SRRM4: variants seen among roughly 807,000 people sequenced by gnomAD.
SRRM4 encodes the protein serine/arginine repetitive matrix 4, also known as serine/arginine repetitive matrix protein 4.
A neutral mutation model predicts 68.9 loss-of-function variants in SRRM4; 33 were observed. The ratio of observed to expected loss-of-function variants is 0.48; its 90% CI spans 0.36 to 0.64. SRRM4 has a LOEUF of 0.64. Among genes scored for constraint, SRRM4 ranks in the 30% least tolerant of loss-of-function variants. The pLI, the probability that SRRM4 is intolerant of heterozygous loss-of-function variation, is 0.00. For missense variants in SRRM4, 817 were observed against 827.1 expected (o/e 0.99, Z 0.15); for synonymous variants, 318 against 318.8 (o/e 1.00, Z 0.03).
chr12:119,006,337 ACTC>A (rs927169013), intron 1 of SRRM4, among the ~76,000 whole-genome samples: 2 of 120,768 alleles, frequency 1.7e-5, no homozygotes, highest in Non-Finnish European at 3.9e-5. Flanking sequence ...GGGAGCGACT[ACTC>A]CTTCTTTTCC....
At chr12:119,038,419 G>A (rs1030081733) in intron 1 of SRRM4, among the ~76,000 whole-genome samples, 2 of 152,052 alleles carry the variant, frequency 1.3e-5, no homozygotes, top group African/African-American at 4.8e-5. Context: ...CACCGTGTTA[G>A]CCAGGATGGT....
At chr12:119,084,105 G>A (rs1953965918) in intron 1 of SRRM4, among the ~76,000 whole-genome samples, 1 of 152,224 alleles carries the variant, frequency 6.6e-6, no homozygotes, top group Non-Finnish European at 1.5e-5. Context: ...GGCAAAGAGA[G>A]GGAAATTCAT....
At chr12:118,986,568 C>A (rs1304695190) in intron 1 of SRRM4, among the ~76,000 whole-genome samples, 4 of 152,176 alleles carry the variant, frequency 2.6e-5, no homozygotes, top group Non-Finnish European at 5.9e-5. Context: ...TTCTGAGACG[C>A]TGAGGCTTCT....
chr12:119,023,049 C>T (rs1213353427), intron 1 of SRRM4, among the ~76,000 whole-genome samples: 1 of 152,184 alleles, frequency 6.6e-6, no homozygotes, highest in East Asian at 1.9e-4. Context: ...TTACCTACAC[C>T]TGTCACGGTA....
At chr12:119,053,834 T>C (rs1240655880) in intron 1 of SRRM4, among the ~76,000 whole-genome samples, 2 of 152,046 alleles carry the variant, frequency 1.3e-5, no homozygotes, top group Non-Finnish European at 2.9e-5. Flanking sequence ...AATTATCACA[T>C]CATGGAGAAT....
chr12:119,059,741 C>T lies in SRRM4; in HGVS notation c.132-42495C>T, dbSNP rs371328024. ...GTTGCATCTTCTCCATATCTCATGTCGCTGCTACCCTGGCTCTTGACTACT... is the reference window on the plus strand; with the variant it reads ...GTTGCATCTTCTCCATATCTCATGTTGCTGCTACCCTGGCTCTTGACTACT... On this transcript the variant is annotated intron_variant, in intron 1 of 12. Coordinates refer to ENST00000267260, the MANE Select transcript of SRRM4 (RefSeq NM_194286.4). Among the ~76,000 whole-genome samples, 25 of 152,288 alleles carry T rather than the reference C, an allele frequency of 1.6e-4. No individual in the cohort carries two copies. The South Asian group carries it at 4.6e-3, about 28-fold the overall frequency.
chr12:119,134,185 T>A (rs868820487), intron 8 of SRRM4, among the ~76,000 whole-genome samples: 3 of 152,152 alleles, frequency 2.0e-5, no homozygotes, highest in Admixed American at 6.5e-5. Context: ...AGGGGCTTAT[T>A]TACATATATG....
chr12:119,040,774 TCTCA>T (rs1277466547), intron 1 of SRRM4, among the ~76,000 whole-genome samples: 1 of 151,858 alleles, frequency 6.6e-6, no homozygotes, highest in Non-Finnish European at 1.5e-5. Flanking sequence ...AGGGATGGAG[TCTCA>T]CTCACTCTGT....
rs78161207 is a variant in SRRM4, at chr12:119,026,109, A to T, written c.131+44096A>T. ...ATCTGGGCGGTAGATTCTCATGGCC[A>T]CCACATCTGGGTTTGGTTTTATTCT... is the stretch of plus-strand genomic sequence containing the variant. On this transcript the variant is annotated intron_variant, in intron 1 of 12. Transcript: ENST00000267260. Among the ~76,000 whole-genome samples the T allele has an allele frequency of 3.8e-3, 583 of 152,126 alleles. 20 individuals carry two copies. Among genetic ancestry groups the T allele is most frequent in the African/African-American group, 0.013 (547 of 41,384 alleles).
chr12:119,003,933 A>G (rs533470748), intron 1 of SRRM4, among the ~76,000 whole-genome samples: 2 of 152,186 alleles, frequency 1.3e-5, no homozygotes, highest in East Asian at 3.9e-4. Flanking sequence ...CAAAAAGTAC[A>G]GGGAATAGAG....
At chr12:119,092,553 A>T (rs1222903738) in intron 1 of SRRM4, among the ~76,000 whole-genome samples, 1 of 151,404 alleles carries the variant, frequency 6.6e-6, no homozygotes, top group Admixed American at 6.6e-5. Flanking sequence ...TCTCTTTCAC[A>T]CTCCATAGCC....
chr12:119,005,953 C>T (rs1430153394), intron 1 of SRRM4, among the ~76,000 whole-genome samples: 1 of 152,136 alleles, frequency 6.6e-6, no homozygotes, highest in East Asian at 1.9e-4. Flanking sequence ...GTTTAGTTAC[C>T]ACATCTTGCC....
At chr12:119,127,715 T>G (rs1187487178) in intron 7 of SRRM4, among the ~76,000 whole-genome samples, 1 of 128,082 alleles carries the variant, frequency 7.8e-6, no homozygotes, top group South Asian at 2.6e-4. Flanking sequence ...GTGACAAAAG[T>G]GAAAGTCTGT....
rs75099576 is a variant in SRRM4, at chr12:119,097,432, T to C, written c.132-4804T>C. 5.3e-4 allele frequency among the ~76,000 whole-genome samples: 81 copies of C among 152,266 alleles called. No individual in the cohort carries two copies. The East Asian group carries it at 7.2e-3, about 13-fold the overall frequency. ...ATTTGTTCATCCATCCATTTATTCA[T>C]TTGTTCATTCAATGAATGTTCATTG... On this transcript the variant is annotated intron_variant, in intron 1 of 12. Coordinates refer to ENST00000267260, the MANE Select transcript of SRRM4 (RefSeq NM_194286.4).
At chr12:119,139,419 T>A (rs1164460477) in intron 8 of SRRM4, among the ~76,000 whole-genome samples, 1 of 152,076 alleles carries the variant, frequency 6.6e-6, no homozygotes, top group Non-Finnish European at 1.5e-5. Flanking sequence ...GAAGGTGGAG[T>A]CTGGGGTTTA....
intron 1 of SRRM4, among the ~76,000 whole-genome samples, chr12:119,011,516 T>C (rs551567959): frequency 9.2e-5 from 14 of 152,306 alleles, no homozygotes; most frequent in Admixed American, 2.6e-4. Flanking sequence ...CATCTAGAGA[T>C]ACATTTCCAT....
At position 119,151,073 on chromosome 12, in the gene SRRM4, C is replaced by T. The variant is rs780694184; in HGVS notation, c.1133C>T (p.Pro378Leu). The T allele has an allele frequency of 1.2e-6, 2 of 1,613,972 alleles. No individual in the cohort carries two copies. The highest frequency in any genetic ancestry group is 1.7e-6 in the Non-Finnish European group (2 of 1,179,890). ...GAAGTGAAGAAGTCCAGTTTGGTCC[C>T]ATCCACAGCCCGGAGCTCACCCATG... ...CAEVKKSSLV[P>L]STARSSPMKG... The change falls in exon 10 of 13, where the codon CCA becomes CTA. Residue 378 changes from proline to leucine, a missense_variant. Coordinates refer to ENST00000267260, the MANE Select transcript of SRRM4 (RefSeq NM_194286.4).
intron 1 of SRRM4, among the ~76,000 whole-genome samples, chr12:119,066,071 A>G (rs1953844023): frequency 1.3e-5 from 2 of 152,184 alleles, no homozygotes; most frequent in African/African-American, 2.4e-5. Context: ...ATTATTATTC[A>G]CCAATATTAG....
At chr12:119,110,239 G>T (rs1954134007) in intron 2 of SRRM4, among the ~76,000 whole-genome samples, 1 of 152,208 alleles carries the variant, frequency 6.6e-6, no homozygotes, top group East Asian at 1.9e-4. Context: ...AGCCCTTACT[G>T]GGAGGTGCCT....
Sources: gnomAD v4.1 joint callset for allele counts (sites outside exome capture counted in the v4.1 genomes callset) on GRCh38, gnomAD v4.1.1 for gene constraint, MANE v1.5 for transcripts, NCBI Gene and HGNC (gene_info 2026-07-23, HGNC 2026-07-21) for gene names.